The following NSUN3 variants were observed in gnomAD, a reference collection of about 807,000 sequenced individuals.
The protein encoded by NSUN3 is NOP2/Sun RNA methyltransferase 3.
A neutral mutation model predicts 36.8 loss-of-function variants in NSUN3; 24 were observed. That is an observed-to-expected ratio of 0.65 (90% CI 0.47 to 0.92). The LOEUF is 0.92. Ranked by LOEUF, NSUN3 falls within the 40% of genes least tolerant of loss-of-function variation. NSUN3 has a pLI of 0.00. For synonymous variants in NSUN3, 146 were observed against 145.2 expected, an observed-to-expected ratio of 1.01 and a Z score of -0.04; for missense variants, 381 against 392.8, an observed-to-expected ratio of 0.97 and a Z score of 0.25.
At chr3:94,076,975 A>T in intron 2 of NSUN3, 1 of 958,136 alleles carries the variant, frequency 1.0e-6, no homozygotes, top group South Asian at 1.3e-5. Flanking sequence ...TGTACCCAGG[A>T]CAAGTCGATG....
rs997594900 is a variant in NSUN3 at position 94,131,245 on chromosome 3, T to A, written c.*4755T>A. Among the ~76,000 whole-genome samples, 4 of 152,114 alleles carry A rather than the reference T, an allele frequency of 2.6e-5. No homozygotes were observed. The highest frequency in any genetic ancestry group is 9.7e-5 in the African/African-American group (4 of 41,416). ...ATATATTATTAGTTGTAAAAAAGGA[T>A]GCATGTTTTCCCTCACCTTCTCTTT... On this transcript the variant is annotated 3_prime_UTR_variant, in exon 6 of 6. Transcript: ENST00000314622.
At chr3:94,067,577 T>C (rs186137336) in intron 2 of NSUN3, among the ~76,000 whole-genome samples, 1 of 152,320 alleles carries the variant, frequency 6.6e-6, no homozygotes, top group African/African-American at 2.4e-5. Flanking sequence ...ACCTTCCCAA[T>C]CTCTTATCTG....
At position 94,128,619 on chromosome 3, in the gene NSUN3, A is replaced by T. The variant is rs1286299851; in HGVS notation, c.*2129A>T. The T allele has an allele frequency of 6.7e-6, 1 of 150,294 alleles. No homozygotes were observed. The highest frequency in any genetic ancestry group is 2.0e-4 in the East Asian group (1 of 5,122). 9.3% of individuals were successfully genotyped at this position (150,294 alleles called of 1,614,324 possible). ...TATATATATAATTTTATTAAAAGCA[A>T]TTGCCCCAAAAGCAGAAATTGACAA... On this transcript the variant is annotated 3_prime_UTR_variant, in exon 6 of 6. Coordinates refer to ENST00000314622, the MANE Select transcript of NSUN3 (RefSeq NM_022072.5).
intron 5 of NSUN3, among the ~76,000 whole-genome samples, chr3:94,110,816 A>G (rs184735665): frequency 0.019 from 2,806 of 146,418 alleles, 44 homozygotes; most frequent in African/African-American, 0.033. Flanking sequence ...ATATACATAT[A>G]TGTGTGTGTG....
At chr3:94,087,817 T>A (rs1175667830) in intron 3 of NSUN3, among the ~76,000 whole-genome samples, 2 of 152,134 alleles carry the variant, frequency 1.3e-5, no homozygotes, top group Non-Finnish European at 2.9e-5. Context: ...ACTGGGCACA[T>A]GCCACCAAAC....
rs368296768 is a variant in NSUN3, at chr3:94,095,039, G to A, written c.628G>A (p.Val210Met). The change falls in exon 5 of 6, where the codon GTG becomes ATG. Residue 210 changes from valine to methionine, a missense_variant. Val to Met is a conservative substitution (Grantham distance 21, BLOSUM62 1). Coordinates refer to ENST00000314622, the MANE Select transcript of NSUN3 (RefSeq NM_022072.5). ...AQPEMFDKVL[V>M]DAPCSNDRSW... ...TTGTCTTTTTTTTCTCTAGGTGTTA[G>A]TGGATGCTCCGTGTTCAAATGATCG... 5 of 1,613,750 alleles carry A rather than the reference G, an allele frequency of 3.1e-6. No individual in the cohort carries two copies. Among genetic ancestry groups the A allele is most frequent in the Middle Eastern group, 1.6e-4 (1 of 6,082 alleles).
At chr3:94,112,051 G>A (rs934738846) in intron 5 of NSUN3, among the ~76,000 whole-genome samples, 1 of 152,116 alleles carries the variant, frequency 6.6e-6, no homozygotes, top group African/African-American at 2.4e-5. Flanking sequence ...CAACATCGCA[G>A]GTCAAGTGCA....
intron 5 of NSUN3, among the ~76,000 whole-genome samples, chr3:94,118,761 C>CT (rs1283348648): frequency 1.3e-5 from 2 of 150,978 alleles, no homozygotes; most frequent in Non-Finnish European, 3.0e-5. Context: ...CCCAACCTGT[C>CT]TTTTTTTTTC....
intron 5 of NSUN3, among the ~76,000 whole-genome samples, chr3:94,122,706 T>C (rs936409318): frequency 6.6e-6 from 1 of 152,208 alleles, no homozygotes; most frequent in Non-Finnish European, 1.5e-5. Context: ...TAGAGGCAAA[T>C]GTCTTTTGCC....
At chr3:94,122,619 G>A (rs912812408) in intron 5 of NSUN3, among the ~76,000 whole-genome samples, 1 of 152,038 alleles carries the variant, frequency 6.6e-6, no homozygotes, top group Admixed American at 6.6e-5. Flanking sequence ...ATTAGTGGGG[G>A]AAAGTTCTCT....
At chr3:94,090,236 T>C (rs1047033224) in intron 3 of NSUN3, among the ~76,000 whole-genome samples, 1 of 152,178 alleles carries the variant, frequency 6.6e-6, no homozygotes, top group African/African-American at 2.4e-5. Flanking sequence ...TTTTTGACAA[T>C]TTAAGCACAA....
At chr3:94,110,549 TTAA>T (rs1339059867) in intron 5 of NSUN3, among the ~76,000 whole-genome samples, 1 of 152,100 alleles carries the variant, frequency 6.6e-6, no homozygotes, top group African/African-American at 2.4e-5. Flanking sequence ...CTTTCTCTCA[TTAA>T]CATACACTAA....
In NSUN3 at chr3:94,126,259, A is replaced by G; in HGVS notation, c.792A>G (p.Thr264=). 6.2e-7 allele frequency: 1 copy of G among 1,614,178 alleles called. No homozygotes were observed. Among genetic ancestry groups the G allele is most frequent in the Non-Finnish European group, 8.5e-7 (1 of 1,180,022 alleles). Residue 264 remains threonine (T), a synonymous_variant, in exon 6 of 6, where the codon ACA becomes ACG. Transcript: ENST00000314622. The part of the protein sequence containing the change: ...LRPGGILVYS[T]CTLSKAENQD... ...CTGGAGGGATACTTGTATACTCTAC[A>G]TGCACGCTTTCCAAGGCAGAAAATC...
chr3:94,095,246 C>A, intron 5 of NSUN3, 92 bp downstream of exon 5: 1 of 1,233,580 alleles, frequency 8.1e-7, no homozygotes, highest in Non-Finnish European at 1.2e-6. Flanking sequence ...GGAGGGCTTG[C>A]TGTGTAGGTG....
intron 2 of NSUN3, among the ~76,000 whole-genome samples, chr3:94,077,933 A>G (rs768757064): frequency 2.0e-5 from 3 of 152,072 alleles, no homozygotes; most frequent in South Asian, 2.1e-4. Context: ...TCATGTCTCT[A>G]TCACCTTCAG....
chr3:94,073,459 C>T (rs1560029646), intron 2 of NSUN3, among the ~76,000 whole-genome samples: 1 of 152,208 alleles, frequency 6.6e-6, no homozygotes, highest in Non-Finnish European at 1.5e-5. Context: ...TCCTCTCCAG[C>T]ATCTGTTGTT....
chr3:94,095,221 T>A (rs1035227563), intron 5 of NSUN3, 67 bp downstream of exon 5: 71 of 1,499,144 alleles, frequency 4.7e-5, no homozygotes, highest in Middle Eastern at 3.5e-4. Flanking sequence ...TAATAGAACA[T>A]GTCAGGCCCC....
chr3:94,076,167 G>C, intron 2 of NSUN3: 7 of 1,128,834 alleles, frequency 6.2e-6, no homozygotes, highest in Non-Finnish European at 9.5e-6. Context: ...TTCAGTCTGC[G>C]ATCAGTACCA....
chr3:94,107,985 T>TC (rs2077397479), intron 5 of NSUN3, among the ~76,000 whole-genome samples: 1 of 150,022 alleles, frequency 6.7e-6, no homozygotes, highest in Admixed American at 6.6e-5. Context: ...TTTTTTTTTT[T>TC]TTTTTTCAGA....
Sources: gnomAD v4.1 joint callset for allele counts (sites outside exome capture counted in the v4.1 genomes callset) on GRCh38, gnomAD v4.1.1 for gene constraint, MANE v1.5 for transcripts, NCBI Gene and HGNC (gene_info 2026-07-23, HGNC 2026-07-21) for gene names.